Variants in RBMS2 observed in about 807,000 individuals in gnomAD.
The protein encoded by RBMS2 is RNA binding motif single stranded interacting protein 2.
In RBMS2, 38 loss-of-function variants were observed where a neutral mutation model predicts 58.4. The ratio of observed to expected loss-of-function variants is 0.65; its 90% CI spans 0.50 to 0.85. The LOEUF (loss-of-function observed/expected upper bound fraction) is 0.85, where lower values mean the gene tolerates loss of function less well. Among genes scored for constraint, RBMS2 ranks in the 40% least tolerant of loss-of-function variants. The probability of loss-of-function intolerance (pLI) is 0.00; values close to 1 mark genes in which losing one functional copy is unlikely to be tolerated. For synonymous variants in RBMS2, 151 were observed against 180.7 expected (o/e 0.84, Z 1.32); for missense variants, 367 against 503.7 (o/e 0.73, Z 2.60).
rs1443861345 is a variant in RBMS2, at chr12:56,591,446, T to C, written c.*2313T>C. The C allele has an allele frequency of 1.3e-5, 2 of 152,188 alleles. No individual in the cohort carries two copies. The highest frequency in any genetic ancestry group is 2.4e-5 in the African/African-American group (1 of 41,424). The allele number at this position is 152,188 out of a possible 1,614,324, so 9.4% of individuals were successfully genotyped here. On this transcript the variant is annotated 3_prime_UTR_variant, in exon 14 of 14. Coordinates refer to ENST00000262031, the MANE Select transcript of RBMS2 (RefSeq NM_002898.4). ...AGGACAAATTGCCGCAGTCTTCTAA[T>C]TGATGCTTCCAAACTCAGGAAGGGC...
chr12:56,545,112 T>C (rs1001195137), intron 1 of RBMS2, among the ~76,000 whole-genome samples: 1 of 152,132 alleles, frequency 6.6e-6, no homozygotes, highest in Admixed American at 6.6e-5. Context: ...ATTACTCTTG[T>C]GCCTTTGCAT....
intron 1 of RBMS2, among the ~76,000 whole-genome samples, chr12:56,550,254 G>A (rs991916679): frequency 2.0e-5 from 3 of 152,134 alleles, no homozygotes; most frequent in Non-Finnish European, 4.4e-5. Context: ...ACTAGACCAG[G>A]TGCAGTGGCT....
At chr12:56,579,405 C>T (rs1463558843) in intron 5 of RBMS2, among the ~76,000 whole-genome samples, 1 of 151,884 alleles carries the variant, frequency 6.6e-6, no homozygotes, top group African/African-American at 2.4e-5. Context: ...ATGAGGCGGG[C>T]GGATCACGAG....
rs984583064 is a variant in RBMS2 at position 56,593,851 on chromosome 12, G to A, written c.*4718G>A. 2 of 152,408 alleles carry A rather than the reference G, an allele frequency of 1.3e-5. No homozygotes were observed. Among genetic ancestry groups the A allele is most frequent in the African/African-American group, 4.8e-5 (2 of 41,468 alleles). The allele number at this position is 152,408 out of a possible 1,614,324, so 9.4% of individuals were successfully genotyped here. Reference sequence around the variant, plus strand: ...CGTGAGCCACTGCACCCGGCCCTTTGTAGTGTTTTTAACTAAAGAATTTGT... The same window carrying A: ...CGTGAGCCACTGCACCCGGCCCTTTATAGTGTTTTTAACTAAAGAATTTGT... On this transcript the variant is annotated 3_prime_UTR_variant, in exon 14 of 14. Coordinates refer to ENST00000262031, the MANE Select transcript of RBMS2 (RefSeq NM_002898.4).
intron 1 of RBMS2, among the ~76,000 whole-genome samples, chr12:56,541,878 C>T (rs570282522): frequency 1.4e-4 from 22 of 152,112 alleles, no homozygotes; most frequent in Non-Finnish European, 2.9e-4. Flanking sequence ...GCTTGGCTGT[C>T]TACATTGAAA....
rs912692783 is a variant in RBMS2 at position 56,591,024 on chromosome 12, T to C, written c.*1891T>C. On this transcript the variant is annotated 3_prime_UTR_variant, in exon 14 of 14. Coordinates refer to ENST00000262031, the MANE Select transcript of RBMS2 (RefSeq NM_002898.4). ...TGTCCCCTTCTGCAAGATGTGACTC[T>C]ATACACATGGAGACAGATTGAAGAA... 9.2e-5 allele frequency: 14 copies of C among 152,228 alleles called. No individual in the cohort carries two copies. The highest frequency in any genetic ancestry group is 3.1e-3 in the Middle Eastern group (1 of 320). The allele number at this position is 152,228 out of a possible 1,614,324, so 9.4% of individuals were successfully genotyped here.
chr12:56,587,077 C>A lies in RBMS2; in HGVS notation c.951+151C>A, dbSNP rs1884772195. 8 of 775,284 alleles carry A rather than the reference C, an allele frequency of 1.0e-5. No homozygotes were observed. The South Asian group carries it at 1.3e-4, about 13-fold the overall frequency. The allele number at this position is 775,284 out of a possible 1,614,324, so 48.0% of individuals were successfully genotyped here. ...GGTCAGGAGTTCGAGACCAGCCTGGCCAACATGACAAAACCCTGTCTCTAC... is the reference window on the plus strand; with the variant it reads ...GGTCAGGAGTTCGAGACCAGCCTGGACAACATGACAAAACCCTGTCTCTAC... On this transcript the variant is annotated intron_variant, in intron 10 of 13. Transcript: ENST00000262031.
At chr12:56,569,122 C>G in intron 3 of RBMS2, 89 bp downstream of exon 3, 3 of 1,204,206 alleles carry the variant, frequency 2.5e-6, no homozygotes, top group Non-Finnish European at 3.7e-6. Flanking sequence ...AGTCCTGAGT[C>G]TACAGTGTCA....
intron 1 of RBMS2, among the ~76,000 whole-genome samples, chr12:56,526,461 T>C (rs187681291): frequency 5.9e-5 from 9 of 152,130 alleles, no homozygotes; most frequent in African/African-American, 1.9e-4. Flanking sequence ...GTGGTAAATA[T>C]GGGAATGCCG....
rs556254918 is a variant in RBMS2 at position 56,587,428 on chromosome 12, T to G, written c.952-126T>G. The G allele has an allele frequency of 4.4e-5, 43 of 971,814 alleles. No homozygotes were observed. In the East Asian group the frequency reaches 1.1e-3, roughly 24 times the overall value. The allele number at this position is 971,814 out of a possible 1,614,324, so 60.2% of individuals were successfully genotyped here. On this transcript the variant is annotated intron_variant, in intron 10 of 13. Coordinates refer to ENST00000262031, the MANE Select transcript of RBMS2 (RefSeq NM_002898.4). ...TATTCTTGTTGCATAGTTGGGTTGC[T>G]GCTCACTTACCATTTCCCAGGATTC...
At chr12:56,570,865 C>T (rs1022502695) in intron 4 of RBMS2, among the ~76,000 whole-genome samples, 2 of 152,178 alleles carry the variant, frequency 1.3e-5, no homozygotes, top group Non-Finnish European at 2.9e-5. Context: ...GCATGAGCCA[C>T]CACGCCTGGC....
rs1174040848 is a variant in RBMS2, at chr12:56,555,482, T to C, written c.67-6935T>C. Among the ~76,000 whole-genome samples the C allele has an allele frequency of 2.0e-5, 3 of 149,896 alleles. No homozygotes were observed. In the East Asian group the frequency reaches 5.9e-4, roughly 29 times the overall value. On this transcript the variant is annotated intron_variant, in intron 1 of 13. Coordinates refer to ENST00000262031, the MANE Select transcript of RBMS2 (RefSeq NM_002898.4). Reference sequence around the variant, plus strand: ...GGAAGAAGAAGACCTTGGCCAGGTATGGTGGCTCATACCTGTAATCCAAGC... The same window carrying C: ...GGAAGAAGAAGACCTTGGCCAGGTACGGTGGCTCATACCTGTAATCCAAGC...
At position 56,588,328 on chromosome 12, in the gene RBMS2, A is replaced by G. The variant is rs1183756984; in HGVS notation, c.1097A>G (p.Tyr366Cys). 1.9e-6 allele frequency: 3 copies of G among 1,613,952 alleles called. No individual in the cohort carries two copies. The highest frequency in any genetic ancestry group is 2.2e-5 in the East Asian group (1 of 44,882). ...ACGGCTGCAGCTATGCAAGGAGCTT[A>G]CATCTCCCAGTACACCCCTGTGCCT... ...MPTAAAMQGAYISQYTPVPSS... is the reference protein window; with the variant it reads ...MPTAAAMQGACISQYTPVPSS... The change falls in exon 12 of 14, where the codon TAC becomes TGC. Residue 366 changes from tyrosine to cysteine, a missense_variant. Tyr to Cys is a radical substitution (Grantham distance 194). Transcript: ENST00000262031.
intron 1 of RBMS2, among the ~76,000 whole-genome samples, chr12:56,525,950 AC>A (rs1189268589): frequency 6.6e-6 from 1 of 151,658 alleles, no homozygotes; most frequent in Non-Finnish European, 1.5e-5. Flanking sequence ...GGCGTGAGCC[AC>A]CACGCCCTAC....
intron 1 of RBMS2, among the ~76,000 whole-genome samples, chr12:56,550,278 C>A (rs1878014431): frequency 6.6e-6 from 1 of 152,100 alleles, no homozygotes; most frequent in South Asian, 2.1e-4. Flanking sequence ...ACCTGTAATG[C>A]CAGCCCTTTG....
intron 1 of RBMS2, among the ~76,000 whole-genome samples, chr12:56,553,180 G>A (rs1185843610): frequency 2.0e-5 from 3 of 151,890 alleles, no homozygotes; most frequent in African/African-American, 7.3e-5. Flanking sequence ...GCCTCCCAAA[G>A]TGCTGGGATT....
chr12:56,578,062 C>CTTCTTGCCTCAGCCAA (rs1193689567), intron 5 of RBMS2, among the ~76,000 whole-genome samples: 7 of 152,134 alleles, frequency 4.6e-5, no homozygotes, highest in African/African-American at 1.7e-4. Context: ...TGGGCTCAAG[C>CTTCTTGCCTCAGCCAA]AGTCCTCCTG....
chr12:56,565,089 A>T (rs1028273417), intron 2 of RBMS2, among the ~76,000 whole-genome samples: 1 of 152,212 alleles, frequency 6.6e-6, no homozygotes, highest in East Asian at 1.9e-4. Flanking sequence ...TATACTTTAA[A>T]ATTATCTCCA....
chr12:56,524,522 A>G (rs552643344), intron 1 of RBMS2, among the ~76,000 whole-genome samples: 3 of 151,300 alleles, frequency 2.0e-5, no homozygotes, highest in African/African-American at 7.3e-5. Flanking sequence ...GGTTCAAGCA[A>G]TTCTGCCTCA....
Sources: gnomAD v4.1 joint callset for allele counts (sites outside exome capture counted in the v4.1 genomes callset) on GRCh38, gnomAD v4.1.1 for gene constraint, MANE v1.5 for transcripts, NCBI Gene and HGNC (gene_info 2026-07-23, HGNC 2026-07-21) for gene names.